The following ATF1 variants were observed in gnomAD, a reference collection of about 807,000 sequenced individuals.
The protein encoded by ATF1 is cyclic AMP-dependent transcription factor ATF-1.
ATF1 carries 16 observed loss-of-function variants against 34.7 expected under a neutral mutation model. The observed-to-expected ratio is 0.46, with a 90% confidence interval of 0.31 to 0.70. The LOEUF is 0.70. Among genes scored for constraint, ATF1 ranks in the 30% least tolerant of loss-of-function variants. The pLI, the probability that ATF1 is intolerant of heterozygous loss-of-function variation, is 0.05. For missense variants in ATF1, 255 were observed against 321.6 expected, an observed-to-expected ratio of 0.79 and a Z score of 1.58; for synonymous variants, 105 against 113.1, an observed-to-expected ratio of 0.93 and a Z score of 0.46.
chr12:50,818,434 G>T (rs114815484), intron 6 of ATF1, among the ~76,000 whole-genome samples: 1 of 152,196 alleles, frequency 6.6e-6, no homozygotes, highest in East Asian at 1.9e-4. Context: ...AAAAGAAAAA[G>T]AATGTTTACT....
intron 2 of ATF1, chr12:50,788,432 C>A: frequency 3.3e-6 from 1 of 305,974 alleles, no homozygotes; most frequent in Non-Finnish European, 6.4e-6. Context: ...ATAATCTGCC[C>A]ACCTCAGCCT....
chr12:50,786,484 C>G (rs545068365), intron 2 of ATF1, among the ~76,000 whole-genome samples: 1 of 152,110 alleles, frequency 6.6e-6, no homozygotes, highest in African/African-American at 2.4e-5. Flanking sequence ...TCTCCAAGGA[C>G]CTCCAGCAGT....
chr12:50,778,263 G>GTC (rs1238815511), intron 1 of ATF1, among the ~76,000 whole-genome samples: 2 of 110,980 alleles, frequency 1.8e-5, no homozygotes, highest in African/African-American at 3.6e-5. Context: ...GTCTCACTCT[G>GTC]TCACTAGGCT....
chr12:50,798,235 A>G (rs1341029656), intron 3 of ATF1, among the ~76,000 whole-genome samples: 2 of 152,214 alleles, frequency 1.3e-5, no homozygotes, highest in East Asian at 3.8e-4. Context: ...AGTATGGTGA[A>G]CAAAGACAAT....
chr12:50,763,890 C>T (rs1301136164), upstream of ATF1: 1 of 152,238 alleles, frequency 6.6e-6, no homozygotes, highest in Non-Finnish European at 1.5e-5. Context: ...CCGCTGCAGC[C>T]TGAGGAACGC....
At chr12:50,796,137 C>A in intron 3 of ATF1, 128 bp downstream of exon 3, 1 of 761,500 alleles carries the variant, frequency 1.3e-6, no homozygotes, top group East Asian at 3.0e-5. Context: ...TTGGCCCTCG[C>A]CTATAATCCC....
At position 50,778,899 on chromosome 12, in the gene ATF1, A is replaced by G. The variant is rs537000086; in HGVS notation, c.-6-1241A>G. On this transcript the variant is annotated intron_variant, in intron 1 of 6. Transcript: ENST00000262053. ...CCCAGCCCAGAACTTTTTCATGCCCATTAAACAGCAGCTCTCCATTTGCTC... is the reference window on the plus strand; with the variant it reads ...CCCAGCCCAGAACTTTTTCATGCCCGTTAAACAGCAGCTCTCCATTTGCTC... 1.1e-4 allele frequency among the ~76,000 whole-genome samples: 16 copies of G among 152,282 alleles called. No homozygotes were observed. The South Asian group carries it at 3.3e-3, about 32-fold the overall frequency.
At chr12:50,814,892 C>T (rs375720458) in intron 6 of ATF1, among the ~76,000 whole-genome samples, 10 of 148,142 alleles carry the variant, frequency 6.8e-5, no homozygotes, top group South Asian at 2.1e-4. Context: ...CCAGCTGAGG[C>T]GGGCAGATCA....
Position 50,814,359 on chromosome 12 carries a change from A to G in ATF1, c.591A>G (p.Thr197=), listed in dbSNP as rs778139346. The change falls in exon 6 of 7, where the codon ACA becomes ACG. Residue 197 remains threonine, a synonymous_variant. Coordinates refer to ENST00000262053, the MANE Select transcript of ATF1 (RefSeq NM_005171.5). ...CTCTGCCACAAACTGTGGTGATGACATCTCCTGTGACTCTCACCTCTCAGA... is the reference window on the plus strand; with the variant it reads ...CTCTGCCACAAACTGTGGTGATGACGTCTCCTGTGACTCTCACCTCTCAGA... ...ATSLPQTVVM[T]SPVTLTSQTT... is the part of the protein sequence containing the mutation. 3.8e-5 allele frequency: 61 copies of G among 1,614,008 alleles called. No homozygotes were observed. The East Asian group carries it at 1.4e-3, about 36-fold the overall frequency.
chr12:50,790,072 T>C (rs2139663450), intron 2 of ATF1, among the ~76,000 whole-genome samples: 1 of 152,246 alleles, frequency 6.6e-6, no homozygotes, highest in Non-Finnish European at 1.5e-5. Context: ...TGTAGATTAA[T>C]CCTATCATAC....
At chr12:50,813,188 A>T (rs889165692) in intron 4 of ATF1, among the ~76,000 whole-genome samples, 12 of 152,162 alleles carry the variant, frequency 7.9e-5, no homozygotes, top group Non-Finnish European at 1.5e-4. Flanking sequence ...GTTTGTGGGG[A>T]GCTAAGTAGT....
At chr12:50,804,240 T>C (rs748951679) in intron 3 of ATF1, among the ~76,000 whole-genome samples, 1 of 152,038 alleles carries the variant, frequency 6.6e-6, no homozygotes, top group Non-Finnish European at 1.5e-5. Context: ...TGAAAAAAAC[T>C]AACATGGCTA....
At chr12:50,772,693 T>C (rs1471179359) in intron 1 of ATF1, among the ~76,000 whole-genome samples, 1 of 151,926 alleles carries the variant, frequency 6.6e-6, no homozygotes, top group East Asian at 1.9e-4. Flanking sequence ...TCTCTCTCTC[T>C]CTTTTATTTT....
intron 1 of ATF1, among the ~76,000 whole-genome samples, chr12:50,772,690 CTCTCTTT>C (rs1055904586): frequency 6.6e-6 from 1 of 151,474 alleles, no homozygotes; most frequent in Admixed American, 6.6e-5. Flanking sequence ...CTCTCTCTCT[CTCTCTTT>C]TATTTTAAGA....
At position 50,819,898 on chromosome 12, in the gene ATF1, G is replaced by A; in HGVS notation, c.*119G>A. Reference sequence around the variant, plus strand: ...TTTTATTTAGGCTTTTCCAAATCAAGGATAAATATCTTACGCACGATATCT... The same window carrying A: ...TTTTATTTAGGCTTTTCCAAATCAAAGATAAATATCTTACGCACGATATCT... On this transcript the variant is annotated 3_prime_UTR_variant, in exon 7 of 7. Transcript: ENST00000262053. 4 of 901,934 alleles carry A rather than the reference G, an allele frequency of 4.4e-6. No homozygotes were observed. Among genetic ancestry groups the A allele is most frequent in the East Asian group, 2.8e-5 (1 of 36,330 alleles). The allele number at this position is 901,934 out of a possible 1,614,324, so 55.9% of individuals were successfully genotyped here.
At chr12:50,767,381 G>A (rs1940662905) in intron 1 of ATF1, among the ~76,000 whole-genome samples, 1 of 152,140 alleles carries the variant, frequency 6.6e-6, no homozygotes, top group East Asian at 1.9e-4. Flanking sequence ...TTAGCTGGGT[G>A]TGGTGGCGTG....
intron 1 of ATF1, 124 bp downstream of exon 1, chr12:50,764,431 T>TGGGGGAGGGGCGCAGCGGCA (rs1444868630): frequency 2.5e-5 from 1 of 39,404 alleles, no homozygotes; most frequent in African/African-American, 1.0e-4. Context: ...GTGGTGGCGG[T>TGGGGGAGGGGCGCAGCGGCA]GGGGGAGGGG....
At chr12:50,778,121 G>A (rs1565901916) in intron 1 of ATF1, among the ~76,000 whole-genome samples, 2 of 151,506 alleles carry the variant, frequency 1.3e-5, no homozygotes, top group Non-Finnish European at 1.5e-5. Context: ...TCACTATGTT[G>A]CCAGGTCTGG....
At chr12:50,766,188 G>A (rs1940630547) in intron 1 of ATF1, among the ~76,000 whole-genome samples, 1 of 152,168 alleles carries the variant, frequency 6.6e-6, no homozygotes, top group South Asian at 2.1e-4. Flanking sequence ...GGTGGCCACA[G>A]AAGCGACTAT....
Sources: gnomAD v4.1 joint callset for allele counts (sites outside exome capture counted in the v4.1 genomes callset) on GRCh38, gnomAD v4.1.1 for gene constraint, MANE v1.5 for transcripts, NCBI Gene and HGNC (gene_info 2026-07-23, HGNC 2026-07-21) for gene names.